The following ADGRL3 variants were observed in gnomAD, a reference collection of about 807,000 sequenced individuals.
The protein encoded by ADGRL3 is calcium-independent alpha-latrotoxin receptor 3.
A neutral mutation model predicts 153.5 loss-of-function variants in ADGRL3; 62 were observed. The observed-to-expected ratio is 0.40, with a 90% confidence interval of 0.33 to 0.50. The LOEUF (loss-of-function observed/expected upper bound fraction) is 0.50. Among genes scored for constraint, ADGRL3 ranks in the 20% least tolerant of loss-of-function variants. The pLI is 0.47. For missense variants in ADGRL3, 1,641 were observed against 1,859.4 expected (o/e 0.88, Z 2.16); for synonymous variants, 710 against 672.5 (o/e 1.06, Z -0.86).
At chr4:61,835,201 T>C (rs965523136) in intron 9 of ADGRL3, among the ~76,000 whole-genome samples, 3 of 151,624 alleles carry the variant, frequency 2.0e-5, no homozygotes, top group African/African-American at 7.3e-5. Flanking sequence ...ATTTCCAGGG[T>C]TTCATGAGGA....
chr4:61,742,075 C>T (rs1043936928), intron 8 of ADGRL3, among the ~76,000 whole-genome samples: 1 of 152,098 alleles, frequency 6.6e-6, no homozygotes, highest in Non-Finnish European at 1.5e-5. Context: ...TTCATTGGCA[C>T]GTCTTTTAAG....
intron 25 of ADGRL3, among the ~76,000 whole-genome samples, chr4:62,050,220 G>C (rs1158324026): frequency 1.3e-5 from 2 of 152,062 alleles, no homozygotes; most frequent in Non-Finnish European, 2.9e-5. Flanking sequence ...AATGCACATT[G>C]CATCTGCTTA....
intron 5 of ADGRL3, among the ~76,000 whole-genome samples, chr4:61,619,714 G>A (rs974724996): frequency 3.9e-5 from 6 of 152,152 alleles, no homozygotes; most frequent in Admixed American, 6.6e-5. Flanking sequence ...GGCCACCAGG[G>A]TGCCATTCAC....
At chr4:61,341,201 A>AT (rs1026423080) in intron 1 of ADGRL3, among the ~76,000 whole-genome samples, 27 of 152,082 alleles carry the variant, frequency 1.8e-4, no homozygotes, top group African/African-American at 6.3e-4. Flanking sequence ...CATTCATTAA[A>AT]TTTATAAACT....
chr4:61,516,470 T>A (rs2098496032), intron 3 of ADGRL3, among the ~76,000 whole-genome samples: 1 of 152,162 alleles, frequency 6.6e-6, no homozygotes, highest in African/African-American at 2.4e-5. Flanking sequence ...TAGTTGCAAA[T>A]AGTGTAGGGA....
intron 5 of ADGRL3, among the ~76,000 whole-genome samples, chr4:61,588,443 C>T (rs1228721121): frequency 6.6e-6 from 1 of 151,672 alleles, no homozygotes; most frequent in Non-Finnish European, 1.5e-5. Context: ...CATTCATAGT[C>T]AATATGTTAT....
intron 11 of ADGRL3, among the ~76,000 whole-genome samples, chr4:61,902,491 CG>C (rs1163732781): frequency 6.6e-6 from 1 of 152,144 alleles, no homozygotes; most frequent in Non-Finnish European, 1.5e-5. Context: ...CCTAATTAGA[CG>C]GATCCTATTT....
chr4:61,784,083 A>G (rs2097248941), intron 8 of ADGRL3, among the ~76,000 whole-genome samples: 1 of 152,118 alleles, frequency 6.6e-6, no homozygotes, highest in Non-Finnish European at 1.5e-5. Context: ...TCTTATGAGA[A>G]TTTTGACAAG....
At position 61,406,968 on chromosome 4, in the gene ADGRL3, G is replaced by A. The variant is rs563914083; in HGVS notation, c.-174+23779G>A. Among the ~76,000 whole-genome samples, 464 of 152,068 alleles carry A rather than the reference G, an allele frequency of 3.1e-3. 3 individuals carry two copies. Among genetic ancestry groups the A allele is most frequent in the Non-Finnish European group, 5.2e-3 (351 of 67,918 alleles). ...GTGTAAGGTTTTATATTTCAACTAA[G>A]GTTAGAAATAACAAAATAAAATATT... On this transcript the variant is annotated intron_variant, in intron 2 of 26. Transcript: ENST00000683033.
intron 11 of ADGRL3, among the ~76,000 whole-genome samples, chr4:61,908,351 C>T (rs192388712): frequency 1.9e-3 from 290 of 152,190 alleles, no homozygotes; most frequent in African/African-American, 6.5e-3. Context: ...AATCCCATCA[C>T]TTTGGGAGGC....
chr4:61,653,706 T>G (rs1368729548), intron 5 of ADGRL3, among the ~76,000 whole-genome samples: 1 of 151,962 alleles, frequency 6.6e-6, no homozygotes, highest in Non-Finnish European at 1.5e-5. Context: ...TCAAACAGAG[T>G]TTTAAGATAA....
At chr4:62,035,709 C>G (rs1724608838) in intron 23 of ADGRL3, among the ~76,000 whole-genome samples, 1 of 152,014 alleles carries the variant, frequency 6.6e-6, no homozygotes, top group Non-Finnish European at 1.5e-5. Context: ...TAGTAATATA[C>G]AATGCCTGTG....
chr4:61,995,902 G>T (rs2099120006), intron 19 of ADGRL3, among the ~76,000 whole-genome samples: 1 of 152,086 alleles, frequency 6.6e-6, no homozygotes, highest in Non-Finnish European at 1.5e-5. Context: ...ATGTCACTTT[G>T]CCTGACAGCT....
chr4:61,439,446 G>A (rs2097500823), intron 2 of ADGRL3, among the ~76,000 whole-genome samples: 1 of 152,152 alleles, frequency 6.6e-6, no homozygotes, highest in South Asian at 2.1e-4. Flanking sequence ...TGTAAATGTT[G>A]TATTGTCTGA....
chr4:61,694,716 T>G (rs951368201), intron 6 of ADGRL3, among the ~76,000 whole-genome samples: 4 of 152,122 alleles, frequency 2.6e-5, no homozygotes, highest in Non-Finnish European at 5.9e-5. Context: ...GACTCTCCCT[T>G]TCACAAAAGA....
chr4:61,909,909 T>A (rs1319542890), intron 12 of ADGRL3, among the ~76,000 whole-genome samples, 164 bp downstream of exon 12: 1 of 150,714 alleles, frequency 6.6e-6, no homozygotes, highest in Non-Finnish European at 1.5e-5. Flanking sequence ...ATTCCTTTGT[T>A]ATTATAATAA....
chr4:61,423,838 G>T (rs1451010804), intron 2 of ADGRL3, among the ~76,000 whole-genome samples: 1 of 152,148 alleles, frequency 6.6e-6, no homozygotes, highest in Non-Finnish European at 1.5e-5. Context: ...TTTAATGTGT[G>T]TATATGGTAG....
chr4:61,584,303 A>T (rs563030211), intron 4 of ADGRL3, among the ~76,000 whole-genome samples: 72 of 152,120 alleles, frequency 4.7e-4, no homozygotes, highest in Non-Finnish European at 8.5e-4. Context: ...GAAAGCATAC[A>T]CAAACTCTGG....
intron 5 of ADGRL3, among the ~76,000 whole-genome samples, chr4:61,630,005 A>G (rs956268821): frequency 6.6e-6 from 1 of 152,076 alleles, no homozygotes; most frequent in Non-Finnish European, 1.5e-5. Context: ...TTAACACCCC[A>G]GAGTGCGAGC....
Sources: allele counts gnomAD v4.1 joint callset (sites outside exome capture counted in the v4.1 genomes callset), GRCh38; gene constraint gnomAD v4.1.1; transcripts MANE v1.5; gene names NCBI Gene and HGNC (gene_info 2026-07-23, HGNC 2026-07-21).